SPTB: variants seen among roughly 807,000 people sequenced by gnomAD.
SPTB encodes spectrin beta chain, erythrocytic.
SPTB carries 45 observed loss-of-function variants against 256.2 expected under a neutral mutation model. The observed-to-expected ratio is 0.18, with a 90% CI of 0.14 to 0.23. SPTB has a LOEUF of 0.23. SPTB is among the 10% of genes least tolerant of loss of function. The pLI, the probability that SPTB is intolerant of heterozygous loss-of-function variation, is 1.00. For missense variants in SPTB, 2,715 were observed against 3,040.4 expected, an observed-to-expected ratio of 0.89 and a Z score of 2.52; for synonymous variants, 1,231 against 1,243.1, an observed-to-expected ratio of 0.99 and a Z score of 0.21.
intron 19 of SPTB, among the ~76,000 whole-genome samples, chr14:64,783,965 G>A (rs1351276583): frequency 6.6e-6 from 1 of 152,224 alleles, no homozygotes; most frequent in East Asian, 1.9e-4. Flanking sequence ...ATTAATAACT[G>A]CTGTCCTGGC....
chr14:64,815,446 G>A (rs533933496), intron 2 of SPTB, among the ~76,000 whole-genome samples: 208 of 152,350 alleles, frequency 1.4e-3, no homozygotes, highest in African/African-American at 3.1e-3. Context: ...CTCATCTCTA[G>A]GGAGATGACA....
Position 64,795,504 on chromosome 14 carries a change from A to G in SPTB, c.1477T>C (p.Tyr493His). The G allele has an allele frequency of 6.2e-7, 1 of 1,614,076 alleles. No individual in the cohort carries two copies. The highest frequency in any genetic ancestry group is 8.5e-7 in the Non-Finnish European group (1 of 1,180,014). ...GCCGTGATGCGCTTCTGGTCATGGT[A>G]GTTCTCTTTCTCCAGCTCCTGAGCC... Reference protein sequence around the residue: ...DLAQELEKENYHDQKRITARK... With the variant: ...DLAQELEKENHHDQKRITARK... Residue 493 changes from tyrosine to histidine, a missense_variant, in exon 12 of 36, where the codon TAC becomes CAC. Physicochemically the swap from Tyr to His is moderately conservative, Grantham distance 83. Transcript: ENST00000644917. The surrounding 1 kb of genome is among the most constrained non-coding windows in gnomAD (Gnocchi z 6.5).
At position 64,786,495 on chromosome 14, in the gene SPTB, C is replaced by A. The variant is rs2082571879; in HGVS notation, c.3470G>T (p.Trp1157Leu). 6.2e-7 allele frequency: 1 copy of A among 1,614,114 alleles called. No homozygotes were observed. Among genetic ancestry groups the A allele is most frequent in the African/African-American group, 1.3e-5 (1 of 75,068 alleles). Residue 1157 changes from tryptophan (W) to leucine (L), a missense_variant, in exon 16 of 36, where the codon TGG (tryptophan) becomes TTG (leucine). By Grantham distance (61) the Trp-to-Leu change is moderately conservative. This residue lies in a region of SPTB where 2,239 missense variants were observed against 2,384.4 expected (regional missense o/e 0.94). Transcript: ENST00000644917. The surrounding 1 kb of genome is among the most constrained non-coding windows in gnomAD (Gnocchi z 5.6). ...DTGWNALGRM[W>L]ESRSHTLAQC... The stretch of plus-strand genomic sequence containing the variant: ...AGCGAGGGTGTGGCTGCGGCTCTCC[C>A]ACATCCTGCCCAGGGCATTCCAGCC...
At position 64,750,045 on chromosome 14, in the gene SPTB, G is replaced by C. The variant is rs746217112; in HGVS notation, c.6712C>G (p.Leu2238Val). Residue 2238 changes from leucine to valine, a missense_variant, in exon 34 of 36, where the codon CTG (leucine) becomes GTG (valine). Leu to Val is a conservative substitution (Grantham distance 32). Transcript: ENST00000644917. ...GCAATCTCACAGATGGCATGTCTCA[G>C]GGCCAGGGGTTCCTCCCCATGGTAG... ...MPYHGEEPLA[L>V]RHAICEIAAN... is the part of the protein sequence containing the mutation. The C allele has an allele frequency of 6.2e-7, 1 of 1,614,058 alleles. No homozygotes were observed. Among genetic ancestry groups the C allele is most frequent in the African/African-American group, 1.3e-5 (1 of 74,922 alleles).
At chr14:64,863,885 GCCT>G (rs1210807932) in intron 1 of SPTB, among the ~76,000 whole-genome samples, 1 of 152,172 alleles carries the variant, frequency 6.6e-6, no homozygotes, top group Non-Finnish European at 1.5e-5. Context: ...ACTAGCCTTA[GCCT>G]CCTCATCAGT....
Position 64,786,727 on chromosome 14 carries a change from T to C in SPTB, c.3238A>G (p.Thr1080Ala), listed in dbSNP as rs755447675. The C allele has an allele frequency of 1.5e-5, 24 of 1,613,942 alleles. No individual in the cohort carries two copies. In the Admixed American group the frequency reaches 4.0e-4, roughly 27 times the overall value. Residue 1080 changes from threonine to alanine, a missense_variant, in exon 16 of 36, where the codon ACC (threonine) becomes GCC (alanine). By Grantham distance (58) the Thr-to-Ala change is moderately conservative (BLOSUM62 0). Around this residue, in one of 4 missense-constraint regions of SPTB, gnomAD observed 2,239 missense variants for 2,384.4 expected, o/e 0.94. Coordinates refer to ENST00000644917, the MANE Select transcript of SPTB (RefSeq NM_001355436.2). The surrounding 1 kb of genome is among the most constrained non-coding windows in gnomAD (Gnocchi z 5.6). ...TCCTCAGAGGCCACAGCCTTCTGGG[T>C]GATGGAGAGCCAGGCCTGGAAGTCA... is the stretch of plus-strand genomic sequence containing the variant. ...LDDFQAWLSITQKAVASEDMP... is the reference protein window; with the variant it reads ...LDDFQAWLSIAQKAVASEDMP...
intron 1 of SPTB, among the ~76,000 whole-genome samples, chr14:64,828,331 C>G (rs1303616409): frequency 6.6e-6 from 1 of 152,122 alleles, no homozygotes; most frequent in Non-Finnish European, 1.5e-5. Flanking sequence ...GATCATAGCT[C>G]CAATAGTTCT....
In SPTB at chr14:64,841,074, T is replaced by C. The variant is rs985846462; in HGVS notation, c.-51-17929A>G. On this transcript the variant is annotated intron_variant, in intron 1 of 35. Coordinates refer to ENST00000644917, the MANE Select transcript of SPTB (RefSeq NM_001355436.2). This position sits in a 1 kb window ranked among gnomAD's most constrained non-coding sequence, Gnocchi z 4.6. ...TTCTCCAGCTATGAAGCTATTGTCA[T>C]TGTGTATTTATTGAGAGTTTACCTT... Among the ~76,000 whole-genome samples the C allele has an allele frequency of 1.3e-5, 2 of 152,318 alleles. No individual in the cohort carries two copies. The highest frequency in any genetic ancestry group is 3.4e-3 in the Middle Eastern group (1 of 294).
At chr14:64,851,923 T>G (rs530772800) in intron 1 of SPTB, among the ~76,000 whole-genome samples, 17 of 152,224 alleles carry the variant, frequency 1.1e-4, no homozygotes, top group Admixed American at 2.6e-4. Context: ...CTGGGTTTAA[T>G]ACCTAGGTGA....
At chr14:64,822,370 T>TCACACACACACACACACACACA (rs2083305230) in intron 2 of SPTB, among the ~76,000 whole-genome samples, 4 of 1,466 alleles carry the variant, frequency 2.7e-3, no homozygotes, top group Admixed American at 0.014. Flanking sequence ...TCTCTCTCTC[T>TCACACACACACACACACACACA]CTCTCACACA....
chr14:64,761,618 G>A (rs1048453430), intron 32 of SPTB, among the ~76,000 whole-genome samples: 10 of 152,172 alleles, frequency 6.6e-5, no homozygotes, highest in African/African-American at 2.2e-4. Context: ...GTGAATGGAG[G>A]GGAAGGGGAA....
chr14:64,849,350 T>C lies in SPTB; in HGVS notation c.-51-26205A>G, dbSNP rs189854931. Among the ~76,000 whole-genome samples the C allele has an allele frequency of 7.4e-4, 112 of 152,362 alleles. 1 individual carries two copies. Among genetic ancestry groups the C allele is most frequent in the Admixed American group, 5.2e-4 (8 of 15,308 alleles). The stretch of plus-strand genomic sequence containing the variant: ...GTGGGGGACTAGACGAGAGGTGGGT[T>C]AGCCCTGTTACTCTATTAGTTCTCA... On this transcript the variant is annotated intron_variant, in intron 1 of 35. Coordinates refer to ENST00000644917, the MANE Select transcript of SPTB (RefSeq NM_001355436.2).
intron 15 of SPTB, among the ~76,000 whole-genome samples, chr14:64,791,110 G>T (rs767481554): frequency 1.3e-4 from 20 of 152,148 alleles, no homozygotes; most frequent in Non-Finnish European, 2.2e-4. Flanking sequence ...GGGCACACTT[G>T]GGATGTGCCC....
Position 64,772,613 on chromosome 14 carries a change from G to T in SPTB, c.5520C>A (p.Ala1840=). Residue 1840 remains alanine (A), a synonymous_variant, in exon 26 of 36, where the codon GCC becomes GCA. Transcript: ENST00000644917. This position sits in a 1 kb window ranked among gnomAD's most constrained non-coding sequence, Gnocchi z 5.4. ...CCAGCAGGTGGAGCTCCCGCTCGAA[G>T]GCTGTGTGCACCCGGTGGAAGGACT... The part of the protein sequence containing the change: ...TAESFHRVHT[A]FERELHLLGV... The T allele has an allele frequency of 6.2e-7, 1 of 1,611,918 alleles. No homozygotes were observed.
rs1451950097 is a variant in SPTB at position 64,768,050 on chromosome 14, T to C, written c.6023-191A>G. The C allele has an allele frequency of 1.4e-5, 9 of 656,062 alleles. 1 individual carries two copies. The highest frequency in any genetic ancestry group is 3.6e-5 in the African/African-American group (2 of 55,570). 40.6% of individuals were successfully genotyped at this position (656,062 alleles called of 1,614,324 possible). On this transcript the variant is annotated intron_variant, in intron 29 of 35. Transcript: ENST00000644917. Reference sequence around the variant, plus strand: ...CCCTAACCGATCTTCACAATAGTTATATTTTTTTAGAGGGAGGGCTTCAAT... The same window carrying C: ...CCCTAACCGATCTTCACAATAGTTACATTTTTTTAGAGGGAGGGCTTCAAT...
At chr14:64,834,900 GA>G (rs1472053139) in intron 1 of SPTB, among the ~76,000 whole-genome samples, 1 of 152,190 alleles carries the variant, frequency 6.6e-6, no homozygotes, top group Admixed American at 6.5e-5. Flanking sequence ...TCGTGTCACA[GA>G]AATGTCAGTC....
chr14:64,752,368 C>G, intron 33 of SPTB: 1 of 826,482 alleles, frequency 1.2e-6, no homozygotes, highest in Non-Finnish European at 1.7e-6. Context: ...GGAGGAAGTT[C>G]TGGAAGGTCA....
In SPTB at chr14:64,780,000, A is replaced by G. The variant is rs771795043; in HGVS notation, c.4267-69T>C. 2.2e-6 allele frequency: 3 copies of G among 1,371,686 alleles called. No homozygotes were observed. The highest frequency in any genetic ancestry group is 2.3e-5 in the East Asian group (1 of 43,714). The allele number at this position is 1,371,686 out of a possible 1,614,324, so 85.0% of individuals were successfully genotyped here. A position where few individuals can be genotyped will look rare whatever the true frequency, so the allele number is the denominator to read the frequency against. On this transcript the variant is annotated intron_variant, in intron 20 of 35. Coordinates refer to ENST00000644917, the MANE Select transcript of SPTB (RefSeq NM_001355436.2). This position sits in a 1 kb window ranked among gnomAD's most constrained non-coding sequence, Gnocchi z 4.2. ...CACAGCCCCTCCATCTTCTTCATTCATCTGCATCCCACCCATCCTTTAAGG... is the reference window on the plus strand; with the variant it reads ...CACAGCCCCTCCATCTTCTTCATTCGTCTGCATCCCACCCATCCTTTAAGG...
At chr14:64,832,841 A>G (rs745621565) in intron 1 of SPTB, among the ~76,000 whole-genome samples, 7 of 152,126 alleles carry the variant, frequency 4.6e-5, no homozygotes, top group Admixed American at 1.3e-4. Context: ...ACTTCTGGCC[A>G]CTGCCTTCTC....
Sources: allele counts gnomAD v4.1 joint callset (sites outside exome capture counted in the v4.1 genomes callset), GRCh38; gene constraint gnomAD v4.1.1; regional missense constraint gnomAD v4.1.1; non-coding constraint Gnocchi (gnomAD v3.1); transcripts MANE v1.5; gene names NCBI Gene and HGNC (gene_info 2026-07-23, HGNC 2026-07-21).